PRR16: variants seen among roughly 807,000 people sequenced by gnomAD.
The protein encoded by PRR16 is protein Largen.
PRR16 carries 6 observed loss-of-function variants against 18.2 expected under a neutral mutation model. That is an observed-to-expected ratio of 0.33 (90% confidence interval 0.18 to 0.65). PRR16 has a LOEUF of 0.65. PRR16 is among the 30% of genes least tolerant of loss of function. The pLI is 0.74. For synonymous variants in PRR16, 151 were observed against 147.8 expected, an observed-to-expected ratio of 1.02 and a Z score of -0.16; for missense variants, 412 against 376.6, an observed-to-expected ratio of 1.09 and a Z score of -0.78.
intron 1 of PRR16, among the ~76,000 whole-genome samples, chr5:120,653,217 C>T (rs1755851232): frequency 6.6e-6 from 1 of 151,300 alleles, no homozygotes; most frequent in South Asian, 2.1e-4. Flanking sequence ...ATGTTGGTCC[C>T]ATGGATGTTC....
At chr5:120,701,499 A>C in the PRR16 span, among the ~76,000 whole-genome samples, 16 of 152,182 alleles carry the variant, frequency 1.1e-4, no homozygotes, top group African/African-American at 2.9e-4. Flanking sequence ...TTTTAAGAGT[A>C]AATTGCTGGG....
At chr5:120,537,534 G>A (rs1457915170) in intron 1 of PRR16, among the ~76,000 whole-genome samples, 2 of 151,858 alleles carry the variant, frequency 1.3e-5, no homozygotes, top group African/African-American at 4.8e-5. Context: ...TGTACTAGTG[G>A]TTATTATTAT....
Position 120,686,212 on chromosome 5 carries a change from G to T in PRR16, c.418G>T (p.Val140Leu). The change falls in exon 2 of 2, where the codon GTG becomes TTG. Residue 140 changes from valine (V) to leucine (L), a missense_variant. Coordinates refer to ENST00000407149, the MANE Select transcript of PRR16 (RefSeq NM_001300783.2). ...TPVKCEDPKR[V>L]VPTANPVKTN... Reference sequence around the variant, plus strand: ...TGTGAAGTGTGAAGACCCCAAAAGGGTGGTTCCAACTGCCAATCCTGTAAA... The same window carrying T: ...TGTGAAGTGTGAAGACCCCAAAAGGTTGGTTCCAACTGCCAATCCTGTAAA... 6.2e-7 allele frequency: 1 copy of T among 1,614,160 alleles called. No individual in the cohort carries two copies. The highest frequency in any genetic ancestry group is 8.5e-7 in the Non-Finnish European group (1 of 1,180,044).
At chr5:120,639,713 A>C (rs1258520178) in intron 1 of PRR16, among the ~76,000 whole-genome samples, 2 of 151,846 alleles carry the variant, frequency 1.3e-5, no homozygotes, top group African/African-American at 4.8e-5. Flanking sequence ...CTGTGCAGTC[A>C]CTGTGGAAAG....
At chr5:120,684,909 T>C (rs1757074786) in intron 1 of PRR16, among the ~76,000 whole-genome samples, 1 of 152,220 alleles carries the variant, frequency 6.6e-6, no homozygotes, top group South Asian at 2.1e-4. Context: ...TCTGCCAGCC[T>C]TATCTGAGTC....
intron 1 of PRR16, among the ~76,000 whole-genome samples, chr5:120,570,743 G>T (rs1439082992): frequency 2.0e-5 from 3 of 152,020 alleles, no homozygotes; most frequent in African/African-American, 7.2e-5. Flanking sequence ...AACATGAAAT[G>T]TATGGATAAA....
At chr5:120,707,914 G>T in the PRR16 span, among the ~76,000 whole-genome samples, 1 of 152,164 alleles carries the variant, frequency 6.6e-6, no homozygotes. Context: ...GTCAGATCCA[G>T]GTGGTGGGCT....
chr5:120,627,163 C>T (rs1191741500), intron 1 of PRR16, among the ~76,000 whole-genome samples: 3 of 151,958 alleles, frequency 2.0e-5, no homozygotes, highest in East Asian at 3.9e-4. Context: ...TTTATTTCTC[C>T]CATTTCACAG....
chr5:120,671,802 ATG>A lies in PRR16; in HGVS notation c.160-14144_160-14143del, dbSNP rs542694408. 9.9e-5 allele frequency among the ~76,000 whole-genome samples: 15 copies of A among 152,278 alleles called. 1 individual carries two copies. The South Asian group carries it at 2.9e-3, about 29-fold the overall frequency. On this transcript the variant is annotated intron_variant, in intron 1 of 1. Coordinates refer to ENST00000407149, the MANE Select transcript of PRR16 (RefSeq NM_001300783.2). ...TATGAAAGTGCCATACTTTTTAAAT[ATG>A]TGTGTGTACATATATATGTATGAAA...
intron 1 of PRR16, among the ~76,000 whole-genome samples, chr5:120,621,335 G>A (rs1272389852): frequency 3.9e-5 from 6 of 151,974 alleles, no homozygotes; most frequent in Admixed American, 3.9e-4. Flanking sequence ...TGTCTTGGAG[G>A]TCTCTATTTT....
chr5:120,517,639 A>G (rs1349688824), intron 1 of PRR16, among the ~76,000 whole-genome samples: 2 of 152,138 alleles, frequency 1.3e-5, no homozygotes, highest in African/African-American at 2.4e-5. Context: ...ACTTAGCTAC[A>G]GTTTTATTGA....
intron 1 of PRR16, among the ~76,000 whole-genome samples, chr5:120,664,154 C>G (rs1756275856): frequency 6.6e-6 from 1 of 151,988 alleles, no homozygotes; most frequent in Non-Finnish European, 1.5e-5. Context: ...CAAAAATTAG[C>G]TGGGTATGGT....
intron 1 of PRR16, among the ~76,000 whole-genome samples, chr5:120,644,048 G>A (rs1456431123): frequency 6.6e-6 from 1 of 151,950 alleles, no homozygotes; most frequent in Non-Finnish European, 1.5e-5. Flanking sequence ...CTTTAGATGA[G>A]GACGTAGAAC....
At chr5:120,706,952 G>A in the PRR16 span, among the ~76,000 whole-genome samples, 4 of 152,116 alleles carry the variant, frequency 2.6e-5, no homozygotes, top group East Asian at 7.7e-4. Flanking sequence ...CTGGGATATA[G>A]GGACATTATA....
At chr5:120,474,912 G>A (rs909154416) in intron 1 of PRR16, among the ~76,000 whole-genome samples, 1 of 152,110 alleles carries the variant, frequency 6.6e-6, no homozygotes, top group South Asian at 2.1e-4. Context: ...ACTAGTGGAA[G>A]GACTTTTGTC....
chr5:120,667,832 A>C (rs1227930099), intron 1 of PRR16, among the ~76,000 whole-genome samples: 3 of 152,066 alleles, frequency 2.0e-5, no homozygotes, highest in African/African-American at 7.2e-5. Context: ...GTTTGTTATA[A>C]TCTCTGTTCT....
At chr5:120,736,120 T>C in the PRR16 span, among the ~76,000 whole-genome samples, 1 of 152,218 alleles carries the variant, frequency 6.6e-6, no homozygotes, top group Non-Finnish European at 1.5e-5. Flanking sequence ...AAAGATCATT[T>C]GACCACACAC....
chr5:120,694,837 A>G, the PRR16 span, among the ~76,000 whole-genome samples: 1 of 152,240 alleles, frequency 6.6e-6, no homozygotes, highest in African/African-American at 2.4e-5. Flanking sequence ...AAAGTCTAAT[A>G]CACTAGTCAT....
chr5:120,637,252 T>C (rs1355391445), intron 1 of PRR16, among the ~76,000 whole-genome samples: 1 of 140,796 alleles, frequency 7.1e-6, no homozygotes, highest in Admixed American at 7.9e-5. Context: ...AAAAAGTAGA[T>C]CTATCATTTG....
Sources: gnomAD v4.1 joint callset for allele counts (sites outside exome capture counted in the v4.1 genomes callset) on GRCh38, gnomAD v4.1.1 for gene constraint, MANE v1.5 for transcripts, NCBI Gene and HGNC (gene_info 2026-07-23, HGNC 2026-07-21) for gene names.